Variants in DNAH3 observed in about 807,000 individuals in gnomAD.
The protein encoded by DNAH3 is dynein axonemal heavy chain 3, also known as axonemal beta dynein heavy chain 3.
In DNAH3, 332 loss-of-function variants were observed where a neutral mutation model predicts 432.5. That is an observed-to-expected ratio of 0.77 (90% confidence interval 0.70 to 0.84). The LOEUF (loss-of-function observed/expected upper bound fraction) is 0.84. Ranked by LOEUF, DNAH3 falls within the 40% of genes least tolerant of loss-of-function variation. The pLI is 0.00. For synonymous variants in DNAH3, 1,956 were observed against 1,900.2 expected (o/e 1.03, Z -0.76); for missense variants, 4,861 against 5,114.0 (o/e 0.95, Z 1.51).
At chr16:20,964,910 A>G in exon 53 of DNAH3, 1 of 1,614,186 alleles carries the variant, frequency 6.2e-7, no homozygotes, top group South Asian at 1.1e-5. Context: ...AGATTAGTAT[A>G]GCGGATCCCC....
At chr16:21,140,706 T>C in exon 5 of DNAH3, 3 of 1,613,956 alleles carry the variant, frequency 1.9e-6, no homozygotes, top group Non-Finnish European at 2.5e-6. Flanking sequence ...AAGGCCAACT[T>C]GATCCTGAAA....
intron 37 of DNAH3, among the ~76,000 whole-genome samples, chr16:21,030,325 G>A (rs772631640): frequency 6.6e-6 from 1 of 152,182 alleles, no homozygotes; most frequent in South Asian, 2.1e-4. Context: ...CATAGGAAGC[G>A]CCACTACCAA....
intron 32 of DNAH3, among the ~76,000 whole-genome samples, chr16:21,040,679 T>G (rs330149): frequency 0.14 from 20,743 of 152,026 alleles, 1,601 homozygotes; most frequent in African/African-American, 0.2. Flanking sequence ...AGATCTTGAT[T>G]TGAGTTCTTG....
chr16:21,118,414 C>T (rs1441273408), intron 11 of DNAH3, among the ~76,000 whole-genome samples: 1 of 151,876 alleles, frequency 6.6e-6, no homozygotes, highest in Admixed American at 6.6e-5. Flanking sequence ...TGAGAGAATT[C>T]ATACTCTCTA....
chr16:21,084,802 A>C (rs1284220906), intron 19 of DNAH3, among the ~76,000 whole-genome samples: 1 of 152,008 alleles, frequency 6.6e-6, no homozygotes, highest in Non-Finnish European at 1.5e-5. Context: ...GCCCACATAC[A>C]AGAATAGCAT....
chr16:20,966,612 C>A (rs2085075608), intron 52 of DNAH3, among the ~76,000 whole-genome samples: 1 of 152,212 alleles, frequency 6.6e-6, no homozygotes, highest in Non-Finnish European at 1.5e-5. Context: ...TTTTCTAGAA[C>A]CTGGCACACT....
intron 44 of DNAH3, among the ~76,000 whole-genome samples, chr16:20,990,182 CT>C (rs887674709): frequency 5.9e-5 from 9 of 152,258 alleles, no homozygotes; most frequent in Non-Finnish European, 1.3e-4. Flanking sequence ...GCTGTGAGGA[CT>C]TGCCAGCACG....
At chr16:20,982,763 T>C in exon 49 of DNAH3, 1 of 1,614,070 alleles carries the variant, frequency 6.2e-7, no homozygotes, top group Non-Finnish European at 8.5e-7. Context: ...CTCTAGAAAT[T>C]TGTTAGCCAC....
intron 12 of DNAH3, among the ~76,000 whole-genome samples, chr16:21,115,721 T>A (rs1171350528): frequency 6.4e-5 from 9 of 140,932 alleles, no homozygotes; most frequent in East Asian, 2.0e-4. Context: ...AATAATAAAA[T>A]AAATAAAATA....
chr16:21,131,854 C>CACA (rs2092568357), intron 7 of DNAH3, among the ~76,000 whole-genome samples: 1 of 67,650 alleles, frequency 1.5e-5, no homozygotes, highest in Non-Finnish European at 3.1e-5. Context: ...AACTCCATCT[C>CACA]AAAAAAAAAA....
intron 6 of DNAH3, 22 bp downstream of exon 7, chr16:21,136,302 C>T (rs1416980738): frequency 1.9e-6 from 3 of 1,611,482 alleles, no homozygotes; most frequent in Non-Finnish European, 2.5e-6. Context: ...TCCCCAGCCC[C>T]CTTTATGCCC....
intron 12 of DNAH3, among the ~76,000 whole-genome samples, chr16:21,112,502 G>A (rs928532569): frequency 1.3e-5 from 2 of 152,132 alleles, no homozygotes; most frequent in Non-Finnish European, 2.9e-5. Flanking sequence ...AGAAAATGAG[G>A]AAGAAGCAAA....
intron 42 of DNAH3, among the ~76,000 whole-genome samples, chr16:21,002,900 T>C (rs12148972): frequency 0.18 from 27,082 of 152,144 alleles, 3,043 homozygotes; most frequent in Admixed American, 0.26. Flanking sequence ...ATTTTTTGGT[T>C]GAGTAAATTG....
rs565377383 is a variant in DNAH3, at chr16:21,080,658, G to T, written c.2969+978C>A. ...TGCAGAATTTGATTATGTGGGTTGGGTGGGGCCTGAAAACGTGCATTCTAG... is the reference window on the plus strand; with the variant it reads ...TGCAGAATTTGATTATGTGGGTTGGTTGGGGCCTGAAAACGTGCATTCTAG... On this transcript the variant is annotated intron_variant, in intron 20 of 61. Coordinates refer to ENST00000261383, the Ensembl canonical transcript of DNAH3. Among the ~76,000 whole-genome samples the T allele has an allele frequency of 3.3e-5, 5 of 152,300 alleles. No homozygotes were observed. In the East Asian group the frequency reaches 9.7e-4, roughly 29 times the overall value.
chr16:20,953,400 C>T (rs34623766), intron 55 of DNAH3, among the ~76,000 whole-genome samples: 11,385 of 152,118 alleles, frequency 0.075, 557 homozygotes, highest in East Asian at 0.17. Flanking sequence ...CGCAAGTGAT[C>T]CGCCTGCCTC....
At chr16:21,025,901 T>C (rs1469403119) in intron 38 of DNAH3, among the ~76,000 whole-genome samples, 1 of 152,004 alleles carries the variant, frequency 6.6e-6, no homozygotes, top group Admixed American at 6.6e-5. Context: ...GCTTGGCTAT[T>C]TTTTTGTATT....
At chr16:21,006,882 G>A (rs886121299) in intron 41 of DNAH3, among the ~76,000 whole-genome samples, 1 of 152,034 alleles carries the variant, frequency 6.6e-6, no homozygotes, top group Non-Finnish European at 1.5e-5. Context: ...TTGCTATGTT[G>A]CCCAGGCTGG....
At chr16:20,969,650 C>T in intron 52 of DNAH3, 142 bp downstream of exon 52, 2 of 952,888 alleles carry the variant, frequency 2.1e-6, no homozygotes, top group Non-Finnish European at 3.2e-6. Flanking sequence ...TGCACACACA[C>T]AGCCTGGTTC....
intron 1 of DNAH3, among the ~76,000 whole-genome samples, chr16:21,149,989 G>C (rs2092832852): frequency 6.6e-6 from 1 of 152,100 alleles, no homozygotes; most frequent in South Asian, 2.1e-4. Context: ...ACTTTGGGAG[G>C]CTGAGGCAGG....
Sources: allele counts gnomAD v4.1 joint callset (sites outside exome capture counted in the v4.1 genomes callset), GRCh38; gene constraint gnomAD v4.1.1; transcripts MANE v1.5; gene names NCBI Gene and HGNC (gene_info 2026-07-23, HGNC 2026-07-21).